Variants in PLCB1 observed in about 807,000 individuals in gnomAD.
The protein encoded by PLCB1 is phospholipase C beta 1, also known as 1-phosphatidylinositol 4,5-bisphosphate phosphodiesterase beta-1.
PLCB1 carries 46 observed loss-of-function variants against 161.8 expected under a neutral mutation model. The observed-to-expected ratio is 0.28, with a 90% CI of 0.22 to 0.36. PLCB1 has a LOEUF of 0.36. PLCB1 is among the 10% of genes least tolerant of loss of function. The pLI, the probability that PLCB1 is intolerant of heterozygous loss-of-function variation, is 1.00. For missense variants in PLCB1, 1,016 were observed against 1,472.5 expected (o/e 0.69, Z 5.07); for synonymous variants, 517 against 503.7 (o/e 1.03, Z -0.35).
intron 3 of PLCB1, among the ~76,000 whole-genome samples, chr20:8,583,610 T>A (rs559008403): frequency 6.6e-6 from 1 of 152,232 alleles, no homozygotes; most frequent in South Asian, 2.1e-4. Flanking sequence ...GCAGAGAACG[T>A]CCCTTTGATT....
intron 2 of PLCB1, among the ~76,000 whole-genome samples, chr20:8,346,127 C>G (rs961072842): frequency 2.0e-5 from 3 of 152,150 alleles, no homozygotes; most frequent in Admixed American, 6.5e-5. Flanking sequence ...ATATAATTGC[C>G]AGACAAGGTG....
At chr20:8,221,160 T>C (rs1979386785) in intron 2 of PLCB1, among the ~76,000 whole-genome samples, 1 of 152,182 alleles carries the variant, frequency 6.6e-6, no homozygotes, top group Admixed American at 6.5e-5. Flanking sequence ...TACTATAGAC[T>C]AGATAACTTG....
intron 3 of PLCB1, among the ~76,000 whole-genome samples, chr20:8,407,664 C>A (rs1462967519): frequency 1.3e-5 from 2 of 152,130 alleles, no homozygotes; most frequent in African/African-American, 4.8e-5. Context: ...TGTGGGAATT[C>A]TGAGAGATAC....
chr20:8,678,104 T>C (rs1158625535), intron 9 of PLCB1, among the ~76,000 whole-genome samples: 3 of 152,086 alleles, frequency 2.0e-5, no homozygotes, highest in Admixed American at 6.6e-5. Flanking sequence ...TACTTTGGAG[T>C]TGGACTGGAG....
intron 4 of PLCB1, among the ~76,000 whole-genome samples, chr20:8,629,963 C>CTTCTTTCTTTCTTTCT (rs201039269): frequency 8.2e-4 from 91 of 111,136 alleles, no homozygotes; most frequent in East Asian, 3.3e-3. Flanking sequence ...TTCTTTCTTT[C>CTTCTTTCTTTCTTTCT]TTCTTTCTTT....
At chr20:8,592,954 G>A (rs1174315585) in intron 3 of PLCB1, among the ~76,000 whole-genome samples, 1 of 152,134 alleles carries the variant, frequency 6.6e-6, no homozygotes, top group African/African-American at 2.4e-5. Context: ...AACCCAGGCT[G>A]CACCCAGTCC....
intron 3 of PLCB1, among the ~76,000 whole-genome samples, chr20:8,610,244 T>C (rs925697289): frequency 3.9e-5 from 6 of 152,236 alleles, no homozygotes; most frequent in Non-Finnish European, 7.3e-5. Flanking sequence ...ATACCTGGTA[T>C]GTAGTGACTG....
chr20:8,785,613 A>T (rs2146216224), intron 27 of PLCB1, among the ~76,000 whole-genome samples: 1 of 152,232 alleles, frequency 6.6e-6, no homozygotes, highest in Non-Finnish European at 1.5e-5. Flanking sequence ...AGGCAAAAGG[A>T]CGTGGCAGAC....
chr20:8,145,473 A>G (rs1361694332), intron 1 of PLCB1, among the ~76,000 whole-genome samples: 1 of 152,234 alleles, frequency 6.6e-6, no homozygotes, highest in Non-Finnish European at 1.5e-5. Context: ...TCCGCCTGGT[A>G]AAGCGTAGCT....
chr20:8,317,806 G>C (rs936874855), intron 2 of PLCB1, among the ~76,000 whole-genome samples: 16 of 151,792 alleles, frequency 1.1e-4, no homozygotes, highest in African/African-American at 3.9e-4. Context: ...TAGAAATAAA[G>C]AAAAGAGTTA....
intron 2 of PLCB1, among the ~76,000 whole-genome samples, chr20:8,235,450 T>G (rs949761285): frequency 9.2e-5 from 14 of 152,082 alleles, no homozygotes; most frequent in African/African-American, 3.4e-4. Flanking sequence ...AGCCACATGA[T>G]CATACTGATA....
At chr20:8,503,001 A>C (rs73593765) in intron 3 of PLCB1, among the ~76,000 whole-genome samples, 3,063 of 152,244 alleles carry the variant, frequency 0.02, 128 homozygotes, top group African/African-American at 0.07. Context: ...GAAGTAGGGA[A>C]TATATGATCC....
At chr20:8,227,136 T>C in intron 2 of PLCB1, among the ~76,000 whole-genome samples, 1 of 152,128 alleles carries the variant, frequency 6.6e-6, no homozygotes, top group Admixed American at 6.5e-5. Flanking sequence ...AGAGTCTGGA[T>C]CCCAGAGTGT....
chr20:8,375,791 G>A (rs78232473), intron 3 of PLCB1, among the ~76,000 whole-genome samples: 2 of 152,030 alleles, frequency 1.3e-5, no homozygotes, highest in African/African-American at 4.8e-5. Context: ...CATGGTTTTA[G>A]GTATGTAAGT....
intron 4 of PLCB1, among the ~76,000 whole-genome samples, chr20:8,632,970 A>G (rs1418111023): frequency 1.3e-5 from 2 of 152,116 alleles, no homozygotes; most frequent in Non-Finnish European, 2.9e-5. Flanking sequence ...AATGGACCGC[A>G]TGGGGGAGGG....
chr20:8,321,540 G>A (rs777831100), intron 2 of PLCB1, among the ~76,000 whole-genome samples: 9 of 152,138 alleles, frequency 5.9e-5, no homozygotes, highest in Non-Finnish European at 1.0e-4. Context: ...TGGGTCCTGG[G>A]ATGGGAACAG....
chr20:8,272,264 G>A (rs1982324924), intron 2 of PLCB1, among the ~76,000 whole-genome samples: 1 of 152,060 alleles, frequency 6.6e-6, no homozygotes, highest in African/African-American at 2.4e-5. Context: ...TGAATAGAGA[G>A]CATATGTTTT....
chr20:8,692,227 G>T (rs182715706), intron 10 of PLCB1, among the ~76,000 whole-genome samples: 1 of 152,100 alleles, frequency 6.6e-6, no homozygotes, highest in Non-Finnish European at 1.5e-5. Context: ...CTTGGCTGAA[G>T]AAAAGTTCTA....
chr20:8,733,473 T>A, intron 19 of PLCB1, 81 bp downstream of exon 19: 1 of 1,212,634 alleles, frequency 8.2e-7, no homozygotes, highest in Non-Finnish European at 1.2e-6. Flanking sequence ...GCTTAGTCAT[T>A]AAAAATTTAG....
Sources: gnomAD v4.1 joint callset for allele counts (sites outside exome capture counted in the v4.1 genomes callset) on GRCh38, gnomAD v4.1.1 for gene constraint, MANE v1.5 for transcripts, NCBI Gene and HGNC (gene_info 2026-07-23, HGNC 2026-07-21) for gene names.